Variants in ADORA2B observed in about 807,000 individuals in gnomAD.
ADORA2B encodes the protein adenosine receptor A2b.
In ADORA2B, 18 loss-of-function variants were observed where a neutral mutation model predicts 20.8. The ratio of observed to expected loss-of-function variants is 0.87; its 90% CI spans 0.60 to 1.29. The LOEUF (loss-of-function observed/expected upper bound fraction) is 1.29. Ranked by LOEUF, ADORA2B falls within the 50% of genes most tolerant of loss-of-function variation. The pLI, the probability that ADORA2B is intolerant of heterozygous loss-of-function variation, is 0.00. For missense variants in ADORA2B, 441 were observed against 422.7 expected (o/e 1.04, Z -0.38); for synonymous variants, 179 against 178.3 (o/e 1.00, Z -0.03).
chr17:15,884,440 A>T, the ADORA2B span, among the ~76,000 whole-genome samples: 1 of 152,032 alleles, frequency 6.6e-6, no homozygotes, highest in Middle Eastern at 3.4e-3. Context: ...CACGTTCAGG[A>T]TGTGTAGGTT....
rs771317838 is a variant in ADORA2B at position 15,975,168 on chromosome 17, C to T, written c.825C>T (p.Ala275=). The T allele has an allele frequency of 8.7e-6, 14 of 1,614,044 alleles. No individual in the cohort carries two copies. The South Asian group carries it at 9.9e-5, about 11-fold the overall frequency. The change falls in exon 2 of 2, where the codon GCC becomes GCT. Residue 275 remains alanine, a synonymous_variant. Coordinates refer to ENST00000304222, the MANE Select transcript of ADORA2B (RefSeq NM_000676.4). The part of the protein sequence containing the change: ...KNKPKWAMNM[A]ILLSHANSVV... ...AGCCCAAGTGGGCAATGAATATGGC[C>T]ATTCTTCTGTCACATGCCAATTCAG...
At chr17:15,891,226 A>C in the ADORA2B span, among the ~76,000 whole-genome samples, 1 of 152,174 alleles carries the variant, frequency 6.6e-6, no homozygotes, top group Non-Finnish European at 1.5e-5. Context: ...AGATTGCACC[A>C]CCTGCACTCC....
chr17:15,880,819 C>G, the ADORA2B span, among the ~76,000 whole-genome samples: 7 of 152,206 alleles, frequency 4.6e-5, no homozygotes, highest in Admixed American at 6.5e-5. Flanking sequence ...GAAACAGCCA[C>G]ATGGCCAAGC....
intron 1 of ADORA2B, among the ~76,000 whole-genome samples, chr17:15,964,911 A>AG (rs1373934539): frequency 6.6e-6 from 1 of 151,676 alleles, no homozygotes; most frequent in African/African-American, 2.4e-5. Context: ...AATACAAAAA[A>AG]TTAGCCCGTG....
At chr17:15,951,174 G>GC (rs1969896972) in intron 1 of ADORA2B, among the ~76,000 whole-genome samples, 1 of 152,204 alleles carries the variant, frequency 6.6e-6, no homozygotes, top group Admixed American at 6.5e-5. Context: ...AAGAGGAGCT[G>GC]CCCCCACAAG....
intron 1 of ADORA2B, chr17:15,974,157 C>G (rs1597432837): frequency 6.5e-6 from 1 of 153,296 alleles, no homozygotes; most frequent in Non-Finnish European, 1.5e-5. Context: ...AGGGTTCGAA[C>G]AGTTGGCCAC....
At chr17:15,909,432 C>T in the ADORA2B span, among the ~76,000 whole-genome samples, 2 of 152,142 alleles carry the variant, frequency 1.3e-5, no homozygotes, top group Non-Finnish European at 2.9e-5. Context: ...TTCATTGTAG[C>T]GAAAGGAAAG....
At chr17:15,891,292 AATAAAATTGGATATGTGT>A in the ADORA2B span, among the ~76,000 whole-genome samples, 49,516 of 151,626 alleles carry the variant, frequency 0.33, 8,707 homozygotes, top group African/African-American at 0.46. Flanking sequence ...ATAATAAATA[AATAAAATTGGATATGTGT>A]ATATGCCTGT....
At chr17:15,915,542 A>G in the ADORA2B span, among the ~76,000 whole-genome samples, 3 of 152,168 alleles carry the variant, frequency 2.0e-5, no homozygotes, top group African/African-American at 7.2e-5. Context: ...TATAGTTACC[A>G]AGCTGTGTTA....
the ADORA2B span, among the ~76,000 whole-genome samples, chr17:15,928,467 A>G: frequency 6.6e-6 from 1 of 152,018 alleles, no homozygotes; most frequent in Non-Finnish European, 1.5e-5. Flanking sequence ...GAGGCTGAGC[A>G]TGGGGAGGCT....
chr17:15,953,684 A>G (rs1187464117), intron 1 of ADORA2B, among the ~76,000 whole-genome samples: 1 of 152,262 alleles, frequency 6.6e-6, no homozygotes, highest in East Asian at 1.9e-4. Context: ...AAAACAAGGA[A>G]GAACGTGTCC....
chr17:15,862,992 C>G, the ADORA2B span, among the ~76,000 whole-genome samples: 1 of 151,942 alleles, frequency 6.6e-6, no homozygotes, highest in African/African-American at 2.4e-5. Context: ...ATTGTTATAC[C>G]TTTGGATGTA....
At chr17:15,958,238 A>G (rs1473859972) in intron 1 of ADORA2B, among the ~76,000 whole-genome samples, 2 of 152,108 alleles carry the variant, frequency 1.3e-5, no homozygotes, top group Non-Finnish European at 2.9e-5. Flanking sequence ...GGCTGGTCTC[A>G]AACTCCCAAC....
the ADORA2B span, among the ~76,000 whole-genome samples, chr17:15,933,394 T>A: frequency 6.6e-6 from 1 of 152,220 alleles, no homozygotes; most frequent in African/African-American, 2.4e-5. Flanking sequence ...AGCATTGCCA[T>A]CTTAATAATA....
chr17:15,938,144 G>A, the ADORA2B span, among the ~76,000 whole-genome samples: 4 of 151,564 alleles, frequency 2.6e-5, no homozygotes, highest in Admixed American at 6.6e-5. Flanking sequence ...CTGGAGTTCT[G>A]CCTGGCAACA....
the ADORA2B span, among the ~76,000 whole-genome samples, chr17:15,867,553 C>T: frequency 3.3e-5 from 5 of 150,460 alleles, no homozygotes; most frequent in African/African-American, 1.2e-4. Context: ...GCCCGGCAGC[C>T]ACCCCGTCCG....
chr17:15,942,124 A>G (rs146380292), upstream of ADORA2B, among the ~76,000 whole-genome samples: 486 of 152,226 alleles, frequency 3.2e-3, 1 homozygote, highest in Non-Finnish European at 5.1e-3. Flanking sequence ...CTTGGGTGCT[A>G]TCGTTTGGAA....
At chr17:15,955,220 C>A (rs1273369802) in intron 1 of ADORA2B, among the ~76,000 whole-genome samples, 2 of 151,964 alleles carry the variant, frequency 1.3e-5, no homozygotes, top group Non-Finnish European at 2.9e-5. Context: ...CACAGAGGGC[C>A]AACTTTTCCT....
chr17:15,900,486 C>T, the ADORA2B span, among the ~76,000 whole-genome samples: 1 of 151,888 alleles, frequency 6.6e-6, no homozygotes, highest in African/African-American at 2.4e-5. Context: ...CTTGCCCTGT[C>T]GCCCAGGCTG....
Sources: gnomAD v4.1 joint callset for allele counts (sites outside exome capture counted in the v4.1 genomes callset) on GRCh38, gnomAD v4.1.1 for gene constraint, MANE v1.5 for transcripts, NCBI Gene and HGNC (gene_info 2026-07-23, HGNC 2026-07-21) for gene names.